Variants in KDM1B observed in about 807,000 individuals in gnomAD.
KDM1B encodes the protein lysine demethylase 1B.
In KDM1B, 63 loss-of-function variants were observed where a neutral mutation model predicts 107.4. That is an observed-to-expected ratio of 0.59 (90% CI 0.48 to 0.72). The LOEUF (loss-of-function observed/expected upper bound fraction) is 0.72. Ranked by LOEUF, KDM1B falls within the 30% of genes least tolerant of loss-of-function variation. KDM1B has a pLI of 0.00. For missense variants in KDM1B, 749 were observed against 1,020.8 expected (o/e 0.73, Z 3.63); for synonymous variants, 363 against 363.9 (o/e 1.00, Z 0.03).
intron 10 of KDM1B, among the ~76,000 whole-genome samples, chr6:18,193,298 CTTT>C (rs61133563): frequency 0.012 from 1,104 of 90,064 alleles, 6 homozygotes; most frequent in African/African-American, 0.042. Flanking sequence ...TGTGTGCTTT[CTTT>C]TTTTTTTTTT....
At chr6:18,217,375 CTTCT>C (rs1470303455) in intron 20 of KDM1B, among the ~76,000 whole-genome samples, 3 of 140,884 alleles carry the variant, frequency 2.1e-5, no homozygotes, top group African/African-American at 5.5e-5. Context: ...GTCTATCTCC[CTTCT>C]TTTTTTTTTT....
chr6:18,197,414 G>C lies in KDM1B; in HGVS notation c.1147-173G>C, dbSNP rs2150960895. 6.6e-6 allele frequency among the ~76,000 whole-genome samples: 1 copy of C among 152,248 alleles called. No individual in the cohort carries two copies. Among genetic ancestry groups the C allele is most frequent in the Non-Finnish European group, 1.5e-5 (1 of 67,996 alleles). On this transcript the variant is annotated intron_variant, in intron 11 of 21. Coordinates refer to ENST00000650836, the MANE Select transcript of KDM1B (RefSeq NM_001364614.2). This position sits in a 1 kb window ranked among gnomAD's most constrained non-coding sequence, Gnocchi z 4.5. ...AAGCACTCTTTCCCCAGATTGTAGG[G>C]AAAAAGGGAAGGGAGTAATAAGACA...
chr6:18,169,617 A>G (rs1785527737), intron 6 of KDM1B, among the ~76,000 whole-genome samples: 1 of 152,166 alleles, frequency 6.6e-6, no homozygotes, highest in Admixed American at 6.5e-5. Context: ...GGTAGAGCCC[A>G]TTGATGCCCA....
At position 18,184,925 on chromosome 6, in the gene KDM1B, G is replaced by C. The variant is rs1036595285; in HGVS notation, c.535-847G>C. ...TGATTTTTGCAATTTTTGTAGAGAT[G>C]GGGGGTGTTACCCAGGTTGGTGTTG... On this transcript the variant is annotated intron_variant, in intron 7 of 21. Transcript: ENST00000650836. Among the ~76,000 whole-genome samples the C allele has an allele frequency of 7.9e-5, 12 of 151,440 alleles. No homozygotes were observed. In the South Asian group the frequency reaches 2.3e-3, roughly 29 times the overall value.
intron 20 of KDM1B, among the ~76,000 whole-genome samples, chr6:18,216,332 C>T (rs575264641): frequency 8.5e-5 from 13 of 152,302 alleles, no homozygotes; most frequent in East Asian, 7.7e-4. Context: ...CCGCCTACCT[C>T]GGCCTCCTAA....
chr6:18,200,154 A>G lies in KDM1B; in HGVS notation c.1222-285A>G, dbSNP rs6905751. 0.13 allele frequency among the ~76,000 whole-genome samples: 20,417 copies of G among 152,228 alleles called. 1,459 individuals are homozygous for G. Among genetic ancestry groups the G allele is most frequent in the Admixed American group, 0.19 (2,929 of 15,286 alleles). ...CTCCCAAAGTGCTGGTATTACAGGC[A>G]TGAGCTATCGCATCTGGCCTAGTTC... On this transcript the variant is annotated intron_variant, in intron 12 of 21. Transcript: ENST00000650836. This position sits in a 1 kb window ranked among gnomAD's most constrained non-coding sequence, Gnocchi z 4.3.
rs376500754 is a variant in KDM1B, at chr6:18,213,617, G to T, written c.1984-39G>T. The T allele has an allele frequency of 2.5e-6, 4 of 1,611,028 alleles. No homozygotes were observed. The East Asian group carries it at 8.9e-5, about 36-fold the overall frequency. On this transcript the variant is annotated intron_variant, in intron 18 of 21. Transcript: ENST00000650836. This position sits in a 1 kb window ranked among gnomAD's most constrained non-coding sequence, Gnocchi z 5.9. ...TAGATATTGCCTGTGGTTTTGTGAC[G>T]ACAGACACCTAACCACCTTTCTTCT...
Position 18,191,311 on chromosome 6 carries a change from A to G in KDM1B, c.899A>G (p.Tyr300Cys). The change falls in exon 10 of 22, where the codon TAT becomes TGT. Residue 300 changes from tyrosine to cysteine, a missense_variant. Coordinates refer to ENST00000650836, the MANE Select transcript of KDM1B (RefSeq NM_001364614.2). The surrounding 1 kb of genome is among the most constrained non-coding windows in gnomAD (Gnocchi z 5.1). ...GATGAGCTCTATGAGTTTCCAGAGT[A>G]TTCCCGAGACCCCACCATGTACCTG... ...ELDELYEFPE[Y>C]SRDPTMYLAL... The G allele has an allele frequency of 6.4e-7, 1 of 1,551,012 alleles. No individual in the cohort carries two copies.
intron 21 of KDM1B, among the ~76,000 whole-genome samples, chr6:18,220,447 G>A (rs1047494091): frequency 6.6e-6 from 1 of 152,152 alleles, no homozygotes; most frequent in African/African-American, 2.4e-5. Flanking sequence ...GACTCAGGAG[G>A]CTGAGGTAGA....
chr6:18,183,192 T>C (rs187214884), intron 7 of KDM1B, among the ~76,000 whole-genome samples: 18 of 151,320 alleles, frequency 1.2e-4, no homozygotes, highest in Non-Finnish European at 1.9e-4. Context: ...TCCAGTGTGC[T>C]CCTCAGTAGT....
intron 10 of KDM1B, among the ~76,000 whole-genome samples, chr6:18,192,398 G>C (rs1398437814): frequency 6.6e-6 from 1 of 152,180 alleles, no homozygotes; most frequent in Non-Finnish European, 1.5e-5. Context: ...AGATATGCCA[G>C]TTTCACCTTG....
chr6:18,194,254 A>G (rs565967064), intron 10 of KDM1B, among the ~76,000 whole-genome samples: 5 of 152,140 alleles, frequency 3.3e-5, no homozygotes, highest in African/African-American at 1.2e-4. Context: ...ACCTCAGGTG[A>G]TCCACCCGCC....
chr6:18,161,484 A>G (rs777931370), intron 4 of KDM1B, 30 bp downstream of exon 4: 87 of 1,608,908 alleles, frequency 5.4e-5, no homozygotes, highest in Non-Finnish European at 6.5e-5. Flanking sequence ...TTGGCCTCCC[A>G]TTTCTGCTTG....
At chr6:18,178,110 TCTCA>T (rs1049576322) in intron 7 of KDM1B, among the ~76,000 whole-genome samples, 8 of 152,138 alleles carry the variant, frequency 5.3e-5, no homozygotes, top group Admixed American at 2.6e-4. Flanking sequence ...TTGGACGGAG[TCTCA>T]CTCTGTCATC....
At chr6:18,185,915 G>A in intron 8 of KDM1B, 105 bp downstream of exon 8, 1 of 1,076,702 alleles carries the variant, frequency 9.3e-7, no homozygotes. Flanking sequence ...CTCTTTGGTT[G>A]CTGATCAGTG....
intron 8 of KDM1B, 92 bp from the exon 9 acceptor site, chr6:18,187,700 T>G (rs1390137369): frequency 7.2e-6 from 6 of 830,948 alleles, no homozygotes; most frequent in Non-Finnish European, 1.2e-5. Context: ...TAAGGACAAG[T>G]GAAACGAAGA....
Position 18,159,926 on chromosome 6 carries a change from A to G in KDM1B, c.31A>G (p.Lys11Glu). 1 of 1,610,844 alleles carries G rather than the reference A, an allele frequency of 6.2e-7. No homozygotes were observed. Among genetic ancestry groups the G allele is most frequent in the Non-Finnish European group, 8.5e-7 (1 of 1,178,856 alleles). Residue 11 changes from lysine (K) to glutamate (E), a missense_variant, in exon 3 of 22, where the codon AAA becomes GAA. By Grantham distance (56) the Lys-to-Glu change is moderately conservative. Transcript: ENST00000650836. This position sits in a 1 kb window ranked among gnomAD's most constrained non-coding sequence, Gnocchi z 4.5. ...AACTCCACGGGGGAGGACAAAGAAA[A>G]AAGCATCTTTTGATCATTCTCCGGA... MATPRGRTKK[K>E]ASFDHSPDSL...
rs1787739486 is a variant in KDM1B, at chr6:18,197,711, T to A, written c.1221+50T>A. The A allele has an allele frequency of 7.5e-7, 1 of 1,339,778 alleles. No individual in the cohort carries two copies. The highest frequency in any genetic ancestry group is 2.0e-5 in the Admixed American group (1 of 49,118). The allele number at this position is 1,339,778 out of a possible 1,614,324, so 83.0% of individuals were successfully genotyped here. A position where few individuals can be genotyped will look rare whatever the true frequency, so the allele number is the denominator to read the frequency against. ...AGAACAGATGGTTGACTGCTCCTTT[T>A]GGTCCAAATTTCTAAGATTTAGAAA... On this transcript the variant is annotated intron_variant, in intron 12 of 21. Coordinates refer to ENST00000650836, the MANE Select transcript of KDM1B (RefSeq NM_001364614.2). The surrounding 1 kb of genome is among the most constrained non-coding windows in gnomAD (Gnocchi z 4.5).
In KDM1B at chr6:18,222,303, C is replaced by G; in HGVS notation, c.*311C>G. On this transcript the variant is annotated 3_prime_UTR_variant, in exon 22 of 22. Coordinates refer to ENST00000650836, the MANE Select transcript of KDM1B (RefSeq NM_001364614.2). ...TTGATTGTTCCATGGCTGGAAGTTCCCTTTAGATTTCACATTTTATATGGC... is the reference window on the plus strand; with the variant it reads ...TTGATTGTTCCATGGCTGGAAGTTCGCTTTAGATTTCACATTTTATATGGC... 2.3e-6 allele frequency: 1 copy of G among 426,852 alleles called. No individual in the cohort carries two copies. The highest frequency in any genetic ancestry group is 2.0e-5 in the South Asian group (1 of 50,144). The allele number at this position is 426,852 out of a possible 1,614,324, so 26.4% of individuals were successfully genotyped here.
Sources: allele counts gnomAD v4.1 joint callset (sites outside exome capture counted in the v4.1 genomes callset), GRCh38; gene constraint gnomAD v4.1.1; non-coding constraint Gnocchi (gnomAD v3.1); transcripts MANE v1.5; gene names NCBI Gene and HGNC (gene_info 2026-07-23, HGNC 2026-07-21).